Variants in IMMP2L observed in about 807,000 individuals in gnomAD.
IMMP2L encodes mitochondrial inner membrane protease subunit 2.
IMMP2L carries 18 observed loss-of-function variants against 19.3 expected under a neutral mutation model. The observed-to-expected ratio is 0.93, with a 90% CI of 0.64 to 1.38. IMMP2L has a LOEUF of 1.38. IMMP2L is among the 40% of genes most tolerant of loss of function. The pLI is 0.00. For missense variants in IMMP2L, 233 were observed against 218.2 expected, an observed-to-expected ratio of 1.07 and a Z score of -0.43; for synonymous variants, 76 against 73.0, an observed-to-expected ratio of 1.04 and a Z score of -0.21.
chr7:110,811,081 A>G (rs1419838959), intron 5 of IMMP2L, among the ~76,000 whole-genome samples: 1 of 152,028 alleles, frequency 6.6e-6, no homozygotes, highest in Admixed American at 6.6e-5. Flanking sequence ...GGCTTCTGAT[A>G]CCAGACCCTA....
chr7:110,702,038 T>C (rs1321448562), intron 5 of IMMP2L, among the ~76,000 whole-genome samples: 5 of 152,074 alleles, frequency 3.3e-5, no homozygotes, highest in Non-Finnish European at 7.4e-5. Context: ...CAAGCAATCC[T>C]TCTACCTCAG....
At chr7:111,321,646 C>G (rs114664760) in intron 3 of IMMP2L, among the ~76,000 whole-genome samples, 3,466 of 152,002 alleles carry the variant, frequency 0.023, 136 homozygotes, top group African/African-American at 0.079. Context: ...CCAAAGCTTG[C>G]TTTACTATAT....
chr7:111,077,089 C>T (rs1227104241), intron 3 of IMMP2L, among the ~76,000 whole-genome samples: 1 of 152,138 alleles, frequency 6.6e-6, no homozygotes, highest in African/African-American at 2.4e-5. Flanking sequence ...AAATTCACAA[C>T]CTAAGGCCTT....
rs144001447 is a variant in IMMP2L at position 111,026,013 on chromosome 7, AACACACACAC to A, written c.240-62458_240-62449del. ...CTGATAGATCCTTTTGCTAATATTAAACACACACACACACACACACACACAAATTAGGAAA... is the reference window on the plus strand; with the variant it reads ...CTGATAGATCCTTTTGCTAATATTAAACACACACACACACAAATTAGGAAA... On this transcript the variant is annotated intron_variant, in intron 3 of 5. Transcript: ENST00000405709. Among the ~76,000 whole-genome samples the A allele has an allele frequency of 6.1e-5, 9 of 148,518 alleles. No homozygotes were observed. The East Asian group carries it at 1.8e-3, about 29-fold the overall frequency.
At chr7:111,318,529 AG>A (rs1244066965) in intron 3 of IMMP2L, among the ~76,000 whole-genome samples, 1 of 152,168 alleles carries the variant, frequency 6.6e-6, no homozygotes, top group Non-Finnish European at 1.5e-5. Flanking sequence ...AACCTATAGC[AG>A]ATCTGAACAT....
At chr7:110,701,025 T>C (rs1794248556) in intron 5 of IMMP2L, among the ~76,000 whole-genome samples, 1 of 152,230 alleles carries the variant, frequency 6.6e-6, no homozygotes, top group Non-Finnish European at 1.5e-5. Flanking sequence ...TAAATTATTA[T>C]GAAGGGTTAC....
chr7:111,165,019 C>G (rs529610702), intron 3 of IMMP2L, among the ~76,000 whole-genome samples: 1 of 152,098 alleles, frequency 6.6e-6, no homozygotes, highest in African/African-American at 2.4e-5. Context: ...ATATCCAGAA[C>G]TTTTTTCATC....
rs1823396888 is a variant in IMMP2L at position 111,310,501 on chromosome 7, G to A, written c.239+176737C>T. Among the ~76,000 whole-genome samples the A allele has an allele frequency of 3.3e-5, 5 of 152,006 alleles. No individual in the cohort carries two copies. The South Asian group carries it at 1.0e-3, about 32-fold the overall frequency. ...TGGAAGAGCAATCATCCTAAATTAA[G>A]CCAATCAAATACATATTGCTTTAAG... On this transcript the variant is annotated intron_variant, in intron 3 of 5. Coordinates refer to ENST00000405709, the MANE Select transcript of IMMP2L (RefSeq NM_032549.4).
chr7:111,218,117 C>G (rs900939983), intron 3 of IMMP2L, among the ~76,000 whole-genome samples: 1 of 152,018 alleles, frequency 6.6e-6, no homozygotes, highest in Non-Finnish European at 1.5e-5. Flanking sequence ...TTTATTCACT[C>G]TTTCCCTATA....
At chr7:111,273,618 G>C (rs1171250400) in intron 3 of IMMP2L, among the ~76,000 whole-genome samples, 1 of 152,138 alleles carries the variant, frequency 6.6e-6, no homozygotes, top group African/African-American at 2.4e-5. Context: ...GTGAGATTCA[G>C]AGATAGGGGA....
At chr7:111,282,994 A>C (rs1820068851) in intron 3 of IMMP2L, among the ~76,000 whole-genome samples, 1 of 152,184 alleles carries the variant, frequency 6.6e-6, no homozygotes, top group African/African-American at 2.4e-5. Context: ...CATCAGTAGA[A>C]TACTCCATCC....
At chr7:111,458,491 A>G (rs1839868958) in intron 3 of IMMP2L, among the ~76,000 whole-genome samples, 1 of 152,116 alleles carries the variant, frequency 6.6e-6, no homozygotes. Flanking sequence ...TTACCAGGAA[A>G]ACTACCCTAA....
intron 3 of IMMP2L, among the ~76,000 whole-genome samples, chr7:111,251,727 G>C (rs138130626): frequency 6.6e-6 from 1 of 152,004 alleles, no homozygotes; most frequent in Non-Finnish European, 1.5e-5. Flanking sequence ...GGAATACCAC[G>C]AACTGGGGCC....
chr7:111,377,332 A>ATAG (rs1830767436), intron 3 of IMMP2L, among the ~76,000 whole-genome samples: 1 of 152,002 alleles, frequency 6.6e-6, no homozygotes, highest in South Asian at 2.1e-4. Context: ...GCTCTATAGT[A>ATAG]TAGTATCCTT....
At chr7:110,951,045 C>G (rs1283217848) in intron 4 of IMMP2L, among the ~76,000 whole-genome samples, 1 of 151,186 alleles carries the variant, frequency 6.6e-6, no homozygotes, top group Non-Finnish European at 1.5e-5. Flanking sequence ...ACTGCATGAT[C>G]CCACTTACAT....
intron 5 of IMMP2L, among the ~76,000 whole-genome samples, chr7:110,778,725 T>C (rs542893856): frequency 2.0e-5 from 3 of 152,076 alleles, no homozygotes; most frequent in African/African-American, 7.2e-5. Context: ...ACACAGGTGC[T>C]TTAAGAACCA....
At chr7:110,784,097 G>A (rs1415784663) in intron 5 of IMMP2L, among the ~76,000 whole-genome samples, 1 of 151,766 alleles carries the variant, frequency 6.6e-6, no homozygotes, top group African/African-American at 2.4e-5. Context: ...CCCTTCCTTT[G>A]GATGACTTAC....
intron 5 of IMMP2L, among the ~76,000 whole-genome samples, chr7:110,721,453 C>G (rs975839493): frequency 6.6e-6 from 1 of 151,858 alleles, no homozygotes; most frequent in Non-Finnish European, 1.5e-5. Context: ...AGCTAAGAAC[C>G]ATGGAGATGT....
At chr7:111,472,294 A>T (rs922858920) in intron 3 of IMMP2L, among the ~76,000 whole-genome samples, 1 of 152,136 alleles carries the variant, frequency 6.6e-6, no homozygotes, top group Non-Finnish European at 1.5e-5. Context: ...AAGAAAACAT[A>T]TCTGGAAAAG....
Sources: gnomAD v4.1 joint callset for allele counts (sites outside exome capture counted in the v4.1 genomes callset) on GRCh38, gnomAD v4.1.1 for gene constraint, MANE v1.5 for transcripts, NCBI Gene and HGNC (gene_info 2026-07-23, HGNC 2026-07-21) for gene names.